ITPR1: variants seen among roughly 807,000 people sequenced by gnomAD.
The protein encoded by ITPR1 is inositol 1,4,5-trisphosphate-gated calcium channel ITPR1.
In ITPR1, 96 loss-of-function variants were observed where a neutral mutation model predicts 318.4. The ratio of observed to expected loss-of-function variants is 0.30; its 90% CI spans 0.26 to 0.36. ITPR1 has a LOEUF of 0.36. ITPR1 is among the 10% of genes least tolerant of loss of function. ITPR1 has a pLI of 1.00. For missense variants in ITPR1, 2,440 were observed against 3,460.2 expected, an observed-to-expected ratio of 0.71 and a Z score of 7.40; for synonymous variants, 1,312 against 1,289.9, an observed-to-expected ratio of 1.02 and a Z score of -0.37.
At chr3:4,752,663 T>C (rs1041796612) in intron 44 of ITPR1, among the ~76,000 whole-genome samples, 6 of 152,330 alleles carry the variant, frequency 3.9e-5, no homozygotes, top group East Asian at 3.9e-4. Context: ...TTCATTAATA[T>C]AGTAAATTTT....
At chr3:4,541,235 C>G (rs553678575) in intron 4 of ITPR1, among the ~76,000 whole-genome samples, 11 of 151,666 alleles carry the variant, frequency 7.3e-5, no homozygotes, top group Non-Finnish European at 1.6e-4. Flanking sequence ...AATTTTTTTT[C>G]TGCCTCAAGC....
At chr3:4,838,805 C>G (rs1329872795) in intron 61 of ITPR1, among the ~76,000 whole-genome samples, 2 of 152,178 alleles carry the variant, frequency 1.3e-5, no homozygotes, top group Non-Finnish European at 2.9e-5. Flanking sequence ...CTGGGTGTTA[C>G]CAATTTACTA....
At chr3:4,581,393 T>G (rs56343951) in intron 4 of ITPR1, among the ~76,000 whole-genome samples, 107 of 152,322 alleles carry the variant, frequency 7.0e-4, no homozygotes, top group Non-Finnish European at 1.3e-3. Flanking sequence ...CAGGAAAGGC[T>G]TCTTTGTTCT....
chr3:4,625,675 G>C (rs1001340907), intron 4 of ITPR1, among the ~76,000 whole-genome samples: 7 of 152,178 alleles, frequency 4.6e-5, no homozygotes, highest in Admixed American at 1.3e-4. Context: ...TCCTGCCTCA[G>C]CCTCCCGAGT....
In ITPR1 at chr3:4,788,093, G is replaced by T; in HGVS notation, c.6762G>T (p.Arg2254=). The T allele has an allele frequency of 6.2e-7, 1 of 1,609,924 alleles. No individual in the cohort carries two copies. The highest frequency in any genetic ancestry group is 8.5e-7 in the Non-Finnish European group (1 of 1,178,020). The part of the protein sequence containing the change: ...QGSKINDFFL[R]SEDLFNEMNW... ...GCAAAATCAATGATTTCTTTCTGCG[G>T]TCTGAAGACCTCTTCAATGAAATGA... The change falls in exon 52 of 62, where the codon CGG becomes CGT. Residue 2254 remains arginine, a synonymous_variant. Coordinates refer to ENST00000649015, the MANE Select transcript of ITPR1 (RefSeq NM_001378452.1).
At chr3:4,705,569 T>C (rs1382610977) in intron 36 of ITPR1, among the ~76,000 whole-genome samples, 1 of 152,238 alleles carries the variant, frequency 6.6e-6, no homozygotes, top group Non-Finnish European at 1.5e-5. Flanking sequence ...TCTTATGACC[T>C]TGACAGTCTT....
intron 4 of ITPR1, among the ~76,000 whole-genome samples, chr3:4,626,704 G>A (rs1316735466): frequency 6.6e-6 from 1 of 152,162 alleles, no homozygotes; most frequent in Non-Finnish European, 1.5e-5. Flanking sequence ...GGGGACAAGG[G>A]CACAGACTAT....
intron 4 of ITPR1, among the ~76,000 whole-genome samples, chr3:4,589,023 A>T (rs969495379): frequency 1.3e-5 from 2 of 152,082 alleles, no homozygotes; most frequent in African/African-American, 2.4e-5. Context: ...ACTGCACTTC[A>T]TAGCAAGAAA....
At position 4,717,381 on chromosome 3, in the gene ITPR1, T is replaced by C. The variant is rs1294029269; in HGVS notation, c.5118T>C (p.Asp1706=). ...RGYGEKLISI[D]ELDNAELPPA... is the part of the protein sequence containing the mutation. The stretch of plus-strand genomic sequence containing the variant: ...TTCTTTTCCAGCTAATTTCCATTGA[T>C]GAATTGGATAATGCTGAGGTCCTAA... The change falls in exon 40 of 62, where the codon GAT becomes GAC. Residue 1706 remains aspartate, a synonymous_variant. Coordinates refer to ENST00000649015, the MANE Select transcript of ITPR1 (RefSeq NM_001378452.1). 1 of 1,597,214 alleles carries C rather than the reference T, an allele frequency of 6.3e-7. No homozygotes were observed. Among genetic ancestry groups the C allele is most frequent in the African/African-American group, 1.3e-5 (1 of 74,992 alleles).
At chr3:4,676,094 C>T (rs530084867) in intron 23 of ITPR1, among the ~76,000 whole-genome samples, 1 of 151,304 alleles carries the variant, frequency 6.6e-6, no homozygotes, top group Non-Finnish European at 1.5e-5. Context: ...GTAATACTAA[C>T]ATTTTGGGAG....
Position 4,513,376 on chromosome 3 carries a change from G to A in ITPR1, c.-16-3100G>A, listed in dbSNP as rs534206570. On this transcript the variant is annotated intron_variant, in intron 2 of 61. Coordinates refer to ENST00000649015, the MANE Select transcript of ITPR1 (RefSeq NM_001378452.1). ...GGAGATCTCCAGAGGTTTCTAGCCA[G>A]ACCAGCAAGCTTTCTGCCCAGTCCT... is the stretch of plus-strand genomic sequence containing the variant. 2.0e-5 allele frequency among the ~76,000 whole-genome samples: 3 copies of A among 152,298 alleles called. No individual in the cohort carries two copies. In the South Asian group the frequency reaches 6.2e-4, roughly 32 times the overall value.
intron 46 of ITPR1, among the ~76,000 whole-genome samples, chr3:4,770,803 C>T (rs2046137029): frequency 6.6e-6 from 1 of 152,192 alleles, no homozygotes; most frequent in Non-Finnish European, 1.5e-5. Context: ...CTCAAATGCT[C>T]AGGGCCTGGT....
intron 48 of ITPR1, 30 bp downstream of exon 48, chr3:4,777,404 C>A: frequency 7.4e-7 from 1 of 1,343,466 alleles, no homozygotes; most frequent in Non-Finnish European, 1.0e-6. Flanking sequence ...AGAAGACAGT[C>A]ATTTGGAAAC....
chr3:4,645,892 T>C, intron 10 of ITPR1, 164 bp downstream of exon 10: 1 of 675,974 alleles, frequency 1.5e-6, no homozygotes, highest in Non-Finnish European at 2.5e-6. Flanking sequence ...CATGTGTGTG[T>C]ATATATATAA....
At chr3:4,823,849 C>T (rs911646836) in intron 60 of ITPR1, among the ~76,000 whole-genome samples, 3 of 152,130 alleles carry the variant, frequency 2.0e-5, no homozygotes, top group Non-Finnish European at 4.4e-5. Flanking sequence ...ACATGTAACA[C>T]AATTTCATAT....
At chr3:4,833,728 G>A (rs1367635602) in intron 60 of ITPR1, among the ~76,000 whole-genome samples, 1 of 152,158 alleles carries the variant, frequency 6.6e-6, no homozygotes. Context: ...TGTGCCAGTG[G>A]CCTCTGTGAA....
chr3:4,685,773 GA>G (rs1240536508), intron 30 of ITPR1, among the ~76,000 whole-genome samples: 3 of 152,186 alleles, frequency 2.0e-5, no homozygotes, highest in African/African-American at 7.2e-5. Context: ...GGGGAGGCAG[GA>G]GCAGGCTGAC....
In ITPR1 at chr3:4,702,854, C is replaced by T; in HGVS notation, c.4561C>T (p.Leu1521=). ...LQTRQPVFVQ[L]LQGVFRVYHC... ...GACTCGCCAGCCTGTCTTTGTGCAA[C>T]TGCTGCAAGGCGTGTTCAGGGTTTA... Residue 1521 remains leucine (L), a synonymous_variant, in exon 36 of 62, where the codon CTG becomes TTG. Transcript: ENST00000649015. 1 of 1,613,908 alleles carries T rather than the reference C, an allele frequency of 6.2e-7. No homozygotes were observed.
At chr3:4,696,752 G>A (rs1192228026) in intron 33 of ITPR1, among the ~76,000 whole-genome samples, 1 of 150,256 alleles carries the variant, frequency 6.7e-6, no homozygotes, top group Non-Finnish European at 1.5e-5. Context: ...TTTTCTCTGG[G>A]GGTATCTATC....
Sources: gnomAD v4.1 joint callset for allele counts (sites outside exome capture counted in the v4.1 genomes callset) on GRCh38, gnomAD v4.1.1 for gene constraint, MANE v1.5 for transcripts, NCBI Gene and HGNC (gene_info 2026-07-23, HGNC 2026-07-21) for gene names.